CD6: variants seen among roughly 807,000 people sequenced by gnomAD.
The protein encoded by CD6 is CD6 molecule, also known as T-cell differentiation antigen CD6.
CD6 carries 53 observed loss-of-function variants against 75.3 expected under a neutral mutation model. That is an observed-to-expected ratio of 0.70 (90% CI 0.56 to 0.88). The LOEUF is 0.88. Ranked by LOEUF, CD6 falls within the 40% of genes least tolerant of loss-of-function variation. The probability of loss-of-function intolerance (pLI) is 0.00; values close to 1 mark genes in which losing one functional copy is unlikely to be tolerated. For synonymous variants in CD6, 359 were observed against 381.5 expected (o/e 0.94, Z 0.69); for missense variants, 770 against 897.1 (o/e 0.86, Z 1.81).
chr11:60,985,847 A>G (rs1857792871), intron 1 of CD6, among the ~76,000 whole-genome samples: 1 of 152,262 alleles, frequency 6.6e-6, no homozygotes, highest in Non-Finnish European at 1.5e-5. Flanking sequence ...GTAGCAGCAC[A>G]ATGAGACTTT....
At chr11:60,985,810 C>G (rs1439239851) in intron 1 of CD6, among the ~76,000 whole-genome samples, 1 of 152,108 alleles carries the variant, frequency 6.6e-6, no homozygotes, top group Non-Finnish European at 1.5e-5. Context: ...TAAAATTTAA[C>G]AAAAAGTGTT....
At chr11:60,984,101 G>T (rs1213892023) in intron 1 of CD6, among the ~76,000 whole-genome samples, 11 of 152,070 alleles carry the variant, frequency 7.2e-5, no homozygotes. Flanking sequence ...AGATTTCTCT[G>T]CTGTAAAGAT....
Position 61,006,576 on chromosome 11 carries a change from C to A in CD6, c.52C>A (p.His18Asn). 1 of 1,603,860 alleles carries A rather than the reference C, an allele frequency of 6.2e-7. No homozygotes were observed. The highest frequency in any genetic ancestry group is 8.5e-7 in the Non-Finnish European group (1 of 1,175,346). Residue 18 changes from histidine (H) to asparagine (N), a missense_variant and splice_region_variant, in exon 2 of 13, where the codon CAT (histidine) becomes AAT (asparagine). His to Asn is a moderately conservative substitution (Grantham distance 68). Transcript: ENST00000313421. ...TGLLTAALSGHPSPAPPDQLN... is the reference protein window; with the variant it reads ...TGLLTAALSGNPSPAPPDQLN... Reference sequence around the variant, plus strand: ...ATGCTGCTGCTGGTTCATTTCAGGTCATCCATCTCCAGCCCCACCTGACCA... The same window carrying A: ...ATGCTGCTGCTGGTTCATTTCAGGTAATCCATCTCCAGCCCCACCTGACCA...
intron 5 of CD6, 27 bp downstream of exon 5, chr11:61,009,901 G>C: frequency 3.3e-6 from 5 of 1,519,344 alleles, no homozygotes; most frequent in Non-Finnish European, 4.4e-6. Flanking sequence ...CACCCCCCCA[G>C]ATTTGAGCCA....
At chr11:60,997,832 T>A (rs1251078488) in intron 1 of CD6, among the ~76,000 whole-genome samples, 3 of 152,188 alleles carry the variant, frequency 2.0e-5, no homozygotes, top group Non-Finnish European at 4.4e-5. Context: ...TAAAATGAAA[T>A]TTTGAGTTTC....
At chr11:61,002,369 C>T (rs1337498469) in intron 1 of CD6, among the ~76,000 whole-genome samples, 1 of 152,024 alleles carries the variant, frequency 6.6e-6, no homozygotes, top group Non-Finnish European at 1.5e-5. Flanking sequence ...ACCTGGCCAA[C>T]ATGGAGAAAC....
At chr11:61,017,653 C>T (rs1859472446) in intron 10 of CD6, 103 bp downstream of exon 10, 4 of 1,582,904 alleles carry the variant, frequency 2.5e-6, no homozygotes, top group Non-Finnish European at 3.5e-6. Context: ...ATGAGTCTTT[C>T]CTGACTTTCA....
chr11:60,996,482 C>T (rs879322585), intron 1 of CD6, among the ~76,000 whole-genome samples: 4 of 152,178 alleles, frequency 2.6e-5, no homozygotes, highest in Admixed American at 6.5e-5. Context: ...TGAGTGTTTC[C>T]GGACAGCTCC....
chr11:61,002,199 G>T (rs371535653), intron 1 of CD6, among the ~76,000 whole-genome samples: 2 of 152,156 alleles, frequency 1.3e-5, no homozygotes, highest in African/African-American at 4.8e-5. Flanking sequence ...GACCGTAATT[G>T]ATTCAGCCGT....
chr11:61,004,801 C>A (rs1462316895), intron 1 of CD6, among the ~76,000 whole-genome samples: 3 of 152,194 alleles, frequency 2.0e-5, no homozygotes, highest in Admixed American at 2.0e-4. Flanking sequence ...GTCAACATCC[C>A]CTTCCCTCTT....
intron 12 of CD6, 52 bp downstream of exon 12, chr11:61,018,445 A>T: frequency 7.6e-7 from 1 of 1,320,510 alleles, no homozygotes; most frequent in Non-Finnish European, 1.1e-6. Flanking sequence ...GGGACTGGGG[A>T]GTAAATGAGT....
intron 1 of CD6, among the ~76,000 whole-genome samples, chr11:60,991,837 T>C (rs568307613): frequency 6.6e-6 from 1 of 150,420 alleles, no homozygotes; most frequent in South Asian, 2.1e-4. Context: ...AATTTACTTA[T>C]TTATTTATTC....
At position 61,007,844 on chromosome 11, in the gene CD6, C is replaced by T; in HGVS notation, c.403C>T (p.Arg135Trp). The T allele has an allele frequency of 7.0e-7, 1 of 1,420,416 alleles. No individual in the cohort carries two copies. Among genetic ancestry groups the T allele is most frequent in the Non-Finnish European group, 9.2e-7 (1 of 1,091,896 alleles). The allele number at this position is 1,420,416 out of a possible 1,614,324, so 88.0% of individuals were successfully genotyped here. A position where few individuals can be genotyped will look rare whatever the true frequency, so the allele number is the denominator to read the frequency against. Residue 135 changes from arginine (R) to tryptophan (W), a missense_variant, in exon 3 of 13, where the codon CGG (arginine) becomes TGG (tryptophan). By Grantham distance (101) the Arg-to-Trp change is moderately radical. Coordinates refer to ENST00000313421, the MANE Select transcript of CD6 (RefSeq NM_006725.5). This position sits in a 1 kb window ranked among gnomAD's most constrained non-coding sequence, Gnocchi z 4.2. ...PALLCSGAEW[R>W]LCEVVEHACR... ...CCTCCTGTGCAGCGGCGCCGAGTGG[C>T]GGCTCTGCGAGGTGGTGGAGCACGC...
At chr11:61,006,352 T>G (rs1858857500) in intron 1 of CD6, among the ~76,000 whole-genome samples, 1 of 152,204 alleles carries the variant, frequency 6.6e-6, no homozygotes, top group African/African-American at 2.4e-5. Flanking sequence ...AAGCTGTGTG[T>G]GCAATGAATA....
rs975443509 is a variant in CD6, at chr11:60,981,983, A to T, written c.49+10069A>T. ...GGGGGCACACTCAAAAGTCCGGCCA[A>T]TAAGTGTCCAGGCCACCCCCAATCT... On this transcript the variant is annotated intron_variant, in intron 1 of 12. Transcript: ENST00000313421. 2.0e-5 allele frequency among the ~76,000 whole-genome samples: 3 copies of T among 148,498 alleles called. No homozygotes were observed. The Admixed American group carries it at 2.0e-4, about 10-fold the overall frequency.
intron 8 of CD6, 51 bp downstream of exon 8, chr11:61,014,065 G>T: frequency 7.1e-7 from 1 of 1,410,166 alleles, no homozygotes. Flanking sequence ...GACAAGAAGG[G>T]TGAGCTTTCT....
chr11:60,989,688 G>C (rs1857982607), intron 1 of CD6, among the ~76,000 whole-genome samples: 1 of 152,168 alleles, frequency 6.6e-6, no homozygotes, highest in Non-Finnish European at 1.5e-5. Flanking sequence ...AGAATTTGTT[G>C]AGCATTCACA....
intron 1 of CD6, among the ~76,000 whole-genome samples, chr11:60,977,404 A>G (rs1243246752): frequency 6.6e-6 from 1 of 152,070 alleles, no homozygotes; most frequent in African/African-American, 2.4e-5. Context: ...GCCTGCCCTG[A>G]GCAGCCCCCT....
intron 1 of CD6, among the ~76,000 whole-genome samples, chr11:60,982,041 G>A (rs1269309620): frequency 4.7e-5 from 7 of 149,084 alleles, no homozygotes; most frequent in Admixed American, 2.7e-4. Flanking sequence ...TGAGGTCTCC[G>A]GGAGGTGCCA....
Sources: gnomAD v4.1 joint callset for allele counts (sites outside exome capture counted in the v4.1 genomes callset) on GRCh38, gnomAD v4.1.1 for gene constraint, Gnocchi (gnomAD v3.1) non-coding constraint, MANE v1.5 for transcripts, NCBI Gene and HGNC (gene_info 2026-07-23, HGNC 2026-07-21) for gene names.